Variants in RAB27B observed in about 807,000 individuals in gnomAD.
RAB27B encodes RAB27B, member RAS oncogene family.
Under a neutral mutation model 24.6 loss-of-function variants are expected in RAB27B, and 15 were observed. The observed-to-expected ratio is 0.61, with a 90% CI of 0.41 to 0.94. The LOEUF (loss-of-function observed/expected upper bound fraction) is 0.94. RAB27B is among the 40% of genes least tolerant of loss of function. The probability of loss-of-function intolerance (pLI) is 0.00; values close to 1 mark genes in which losing one functional copy is unlikely to be tolerated. For missense variants in RAB27B, 261 were observed against 266.8 expected, an observed-to-expected ratio of 0.98 and a Z score of 0.15; for synonymous variants, 105 against 92.5, an observed-to-expected ratio of 1.14 and a Z score of -0.78.
chr18:54,801,024 T>TTG, intron 2 of RAB27B, among the ~76,000 whole-genome samples: 1 of 145,906 alleles, frequency 6.9e-6, no homozygotes, highest in African/African-American at 2.5e-5. Flanking sequence ...TTTTTTTTTT[T>TTG]TTTTTTTTAA....
chr18:54,792,243 C>G (rs898499691), intron 2 of RAB27B, among the ~76,000 whole-genome samples: 1 of 152,150 alleles, frequency 6.6e-6, no homozygotes, highest in Non-Finnish European at 1.5e-5. Flanking sequence ...TCTGTGTGCT[C>G]CCCTAGAGGT....
chr18:54,794,935 C>CT (rs1273001237), intron 2 of RAB27B, among the ~76,000 whole-genome samples: 2 of 149,688 alleles, frequency 1.3e-5, no homozygotes, highest in South Asian at 2.1e-4. Flanking sequence ...ATATTTGTTA[C>CT]TTTTTTTGAC....
chr18:54,850,575 C>G (rs375972788), intron 1 of RAB27B, among the ~76,000 whole-genome samples: 2 of 150,578 alleles, frequency 1.3e-5, no homozygotes, highest in Non-Finnish European at 3.0e-5. Flanking sequence ...CCATGTTGGT[C>G]AGGCTGGTCT....
At chr18:54,863,930 T>A (rs1349892978) in intron 1 of RAB27B, among the ~76,000 whole-genome samples, 1 of 152,232 alleles carries the variant, frequency 6.6e-6, no homozygotes, top group Non-Finnish European at 1.5e-5. Flanking sequence ...ACATTTGGTT[T>A]GTTTATAATT....
chr18:54,743,254 A>T (rs571122167), intron 2 of RAB27B, among the ~76,000 whole-genome samples: 1 of 152,210 alleles, frequency 6.6e-6, no homozygotes, highest in Non-Finnish European at 1.5e-5. Context: ...CTATATTAAC[A>T]TAACTGAATT....
intron 2 of RAB27B, among the ~76,000 whole-genome samples, chr18:54,802,021 C>T (rs1909628636): frequency 6.6e-6 from 1 of 152,094 alleles, no homozygotes; most frequent in Admixed American, 6.5e-5. Context: ...CCATCAGGCA[C>T]CTTGGTCCAT....
intron 2 of RAB27B, among the ~76,000 whole-genome samples, chr18:54,819,083 G>A (rs1445504486): frequency 2.0e-5 from 3 of 150,324 alleles, no homozygotes; most frequent in African/African-American, 4.9e-5. Flanking sequence ...TATTTCAGAA[G>A]GAATTGTATG....
At chr18:54,832,214 C>T (rs1488434681) in intron 1 of RAB27B, among the ~76,000 whole-genome samples, 1 of 151,982 alleles carries the variant, frequency 6.6e-6, no homozygotes, top group Admixed American at 6.6e-5. Flanking sequence ...AGAACAGTGG[C>T]CACCAAGAGA....
intron 1 of RAB27B, among the ~76,000 whole-genome samples, chr18:54,834,103 A>T (rs905468334): frequency 1.3e-5 from 2 of 152,226 alleles, no homozygotes; most frequent in Non-Finnish European, 2.9e-5. Context: ...TGTGTTCTAG[A>T]TTTTTTAAAT....
At chr18:54,825,027 T>C (rs1415094780), upstream of RAB27B, among the ~76,000 whole-genome samples, 1 of 152,236 alleles carries the variant, frequency 6.6e-6, no homozygotes, top group Non-Finnish European at 1.5e-5. Context: ...AGGATGTATA[T>C]TTTTTAAGTC....
chr18:54,808,846 A>C (rs1470964551), intron 2 of RAB27B, among the ~76,000 whole-genome samples: 2 of 152,232 alleles, frequency 1.3e-5, no homozygotes, highest in Non-Finnish European at 2.9e-5. Flanking sequence ...AAAATAATAG[A>C]TATCTAGCTG....
At chr18:54,721,700 T>C (rs1909363893) in intron 2 of RAB27B, among the ~76,000 whole-genome samples, 1 of 152,184 alleles carries the variant, frequency 6.6e-6, no homozygotes, top group Non-Finnish European at 1.5e-5. Flanking sequence ...ACTAAAATTA[T>C]GTTGTTATTA....
At position 54,784,318 on chromosome 18, in the gene RAB27B, A is replaced by G. The variant is rs572700782; in HGVS notation, c.-20+66177A>G. Among the ~76,000 whole-genome samples, 10 of 152,208 alleles carry G rather than the reference A, an allele frequency of 6.6e-5. No individual in the cohort carries two copies. The East Asian group carries it at 7.7e-4, about 12-fold the overall frequency. On this transcript the variant is annotated intron_variant, in intron 2 of 4. Coordinates refer to the RAB27B transcript ENST00000586570. ...TTAAACATTGTATTTTTCATTTCAGATTCAGAGGATACATGTGCAGATGTG... is the reference window on the plus strand; with the variant it reads ...TTAAACATTGTATTTTTCATTTCAGGTTCAGAGGATACATGTGCAGATGTG...
Position 54,894,874 on chromosome 18 carries a change from G to T in RAB27B, c.*5461G>T, listed in dbSNP as rs1446439796. On this transcript the variant is annotated 3_prime_UTR_variant, in exon 6 of 6. Coordinates refer to ENST00000262094, the MANE Select transcript of RAB27B (RefSeq NM_004163.4). ...AACACACTAATTTTCATACAGTAGAGGTATTGAAAACTGAAAATGGGAAGG... is the reference window on the plus strand; with the variant it reads ...AACACACTAATTTTCATACAGTAGATGTATTGAAAACTGAAAATGGGAAGG... 1 of 151,964 alleles carries T rather than the reference G, an allele frequency of 6.6e-6. No individual in the cohort carries two copies. Among genetic ancestry groups the T allele is most frequent in the Admixed American group, 6.6e-5 (1 of 15,246 alleles). The allele number at this position is 151,964 out of a possible 1,614,324, so 9.4% of individuals were successfully genotyped here.
At chr18:54,731,635 G>T (rs1361042456) in intron 2 of RAB27B, among the ~76,000 whole-genome samples, 1 of 152,160 alleles carries the variant, frequency 6.6e-6, no homozygotes, top group Admixed American at 6.5e-5. Flanking sequence ...CAGGAGAATT[G>T]CTTGAACCCG....
At chr18:54,824,648 C>T (rs899248559), upstream of RAB27B, among the ~76,000 whole-genome samples, 4 of 152,150 alleles carry the variant, frequency 2.6e-5, no homozygotes, top group African/African-American at 7.2e-5. Flanking sequence ...GACTTCTGCC[C>T]ACAATCCATG....
At chr18:54,784,325 G>A (rs1001991032) in intron 2 of RAB27B, among the ~76,000 whole-genome samples, 2 of 152,092 alleles carry the variant, frequency 1.3e-5, no homozygotes, top group African/African-American at 4.8e-5. Context: ...CAGATTCAGA[G>A]GATACATGTG....
In RAB27B at chr18:54,886,789, T is replaced by A. The variant is rs974179478; in HGVS notation, c.344-1206T>A. 1.6e-4 allele frequency among the ~76,000 whole-genome samples: 24 copies of A among 152,126 alleles called. No homozygotes were observed. In the East Asian group the frequency reaches 4.2e-3, roughly 27 times the overall value. On this transcript the variant is annotated intron_variant, in intron 4 of 5. Transcript: ENST00000262094. ...TAAGATAATTAATTGTCATGCCTAA[T>A]AACACTTTAATTTTTAACACCCAAG...
chr18:54,762,848 T>G (rs11872772), intron 2 of RAB27B, among the ~76,000 whole-genome samples: 1 of 152,160 alleles, frequency 6.6e-6, no homozygotes, highest in South Asian at 2.1e-4. Flanking sequence ...TCCTCCAGTT[T>G]GCAGGCTCTG....
Sources: allele counts gnomAD v4.1 joint callset (sites outside exome capture counted in the v4.1 genomes callset), GRCh38; gene constraint gnomAD v4.1.1; transcripts MANE v1.5; gene names NCBI Gene and HGNC (gene_info 2026-07-23, HGNC 2026-07-21).